The following ARHGAP6 variants were observed in gnomAD, a reference collection of about 807,000 sequenced individuals.
ARHGAP6 encodes Rho GTPase activating protein 6, also known as rho GTPase-activating protein 6.
A neutral mutation model predicts 55.7 loss-of-function variants in ARHGAP6; 16 were observed. The observed-to-expected ratio is 0.29, with a 90% confidence interval of 0.19 to 0.44. The LOEUF (loss-of-function observed/expected upper bound fraction) is 0.44. Ranked by LOEUF, ARHGAP6 falls within the 20% of genes least tolerant of loss-of-function variation. ARHGAP6 has a pLI of 1.00. For missense variants in ARHGAP6, 698 were observed against 808.9 expected, an observed-to-expected ratio of 0.86 and a Z score of 1.66; for synonymous variants, 382 against 360.9, an observed-to-expected ratio of 1.06 and a Z score of -0.66.
chrX:11,441,489 T>C (rs773975883), intron 1 of ARHGAP6, among the ~76,000 whole-genome samples: 1 of 111,537 alleles, frequency 9.0e-6, no homozygotes, highest in Non-Finnish European at 1.9e-5. Context: ...GAAGCCCAAC[T>C]AGCAGCCAAC....
intron 1 of ARHGAP6, among the ~76,000 whole-genome samples, chrX:11,315,200 T>C (rs975448878): frequency 5.4e-4 from 61 of 112,282 alleles, no homozygotes; most frequent in Non-Finnish European, 9.6e-4. Context: ...CCCCAGCCAT[T>C]TTTGGCACCA....
rs193064158 is a variant in ARHGAP6, at chrX:11,218,443, C to T, written c.749-21447G>A. Among the ~76,000 whole-genome samples the T allele has an allele frequency of 1.6e-4, 18 of 111,404 alleles. No homozygotes were observed. In the East Asian group the frequency reaches 2.5e-3, roughly 16 times the overall value. On this transcript the variant is annotated intron_variant, in intron 2 of 12. Coordinates refer to ENST00000337414, the MANE Select transcript of ARHGAP6 (RefSeq NM_013427.3). ...ATTTTCTTTTTTTCTTGTGTCTCTG[C>T]CAGGTTTTGGTATCAGGATGATGCT...
At chrX:11,507,276 C>T (rs972665213) in intron 1 of ARHGAP6, among the ~76,000 whole-genome samples, 1 of 110,838 alleles carries the variant, frequency 9.0e-6, no homozygotes, top group African/African-American at 3.3e-5. Flanking sequence ...GACTCCTTTC[C>T]CTACACTCTC....
In ARHGAP6 at chrX:11,296,894, A is replaced by T. The variant is rs1275669963; in HGVS notation, c.589-42187T>A. ...CAATGCCCTGGGCTCTGTAAAGAAT[A>T]GTGTGTTGATTCTTTATCCCAGATG... On this transcript the variant is annotated intron_variant, in intron 1 of 12. Transcript: ENST00000337414. 51 of 1,115,716 alleles carry T rather than the reference A, an allele frequency of 4.6e-5. 1 individual carries two copies. The South Asian group carries it at 9.0e-4, about 20-fold the overall frequency. The allele number at this position is 1,115,716 out of a possible 1,213,427, so 91.9% of individuals were successfully genotyped here.
chrX:11,408,069 G>A (rs1018910380), intron 1 of ARHGAP6, among the ~76,000 whole-genome samples: 4 of 110,590 alleles, frequency 3.6e-5, no homozygotes, highest in African/African-American at 6.6e-5. Flanking sequence ...TAAAGACAAC[G>A]TATGACTTCA....
intron 1 of ARHGAP6, among the ~76,000 whole-genome samples, chrX:11,399,867 G>A (rs781741271): frequency 1.8e-4 from 20 of 111,990 alleles, no homozygotes; most frequent in East Asian, 2.8e-4. Context: ...AAAATGTGGC[G>A]TACCCATACA....
intron 1 of ARHGAP6, among the ~76,000 whole-genome samples, chrX:11,490,038 C>A (rs1224058786): frequency 9.0e-6 from 1 of 111,345 alleles, no homozygotes; most frequent in African/African-American, 3.3e-5. Context: ...GTGAGTTAAA[C>A]CAGAAATACG....
chrX:11,433,040 A>T (rs2049955299), intron 1 of ARHGAP6, among the ~76,000 whole-genome samples: 1 of 112,583 alleles, frequency 8.9e-6, no homozygotes, highest in South Asian at 3.6e-4. Context: ...GAAGGTTCTC[A>T]TTCCTTTTTC....
At chrX:11,578,308 C>T (rs1346055517) in intron 1 of ARHGAP6, among the ~76,000 whole-genome samples, 1 of 111,673 alleles carries the variant, frequency 9.0e-6, no homozygotes. Context: ...ATCACTTCCA[C>T]TCTGCACAGG....
intron 4 of ARHGAP6, among the ~76,000 whole-genome samples, chrX:11,187,997 A>C (rs184765722): frequency 1.3e-4 from 14 of 111,489 alleles, no homozygotes; most frequent in Non-Finnish European, 2.3e-4. Context: ...ATGCCACTGC[A>C]CTCCAGCCTG....
intron 2 of ARHGAP6, chrX:11,223,220 C>T (rs1054452085): frequency 4.5e-5 from 7 of 155,486 alleles, no homozygotes; most frequent in East Asian, 2.6e-4. Flanking sequence ...AAGCTTGCAA[C>T]GAAACAAACA....
intron 1 of ARHGAP6, among the ~76,000 whole-genome samples, chrX:11,603,763 C>A (rs748053184): frequency 8.9e-6 from 1 of 111,802 alleles, no homozygotes; most frequent in Non-Finnish European, 1.9e-5. Context: ...ACATAAAGAA[C>A]AAAATTTCTT....
intron 8 of ARHGAP6, 48 bp downstream of exon 8, chrX:11,178,052 T>A: frequency 8.3e-7 from 1 of 1,204,321 alleles, no homozygotes; most frequent in Non-Finnish European, 1.1e-6. Context: ...CCTTTTAAAA[T>A]AGGGGAGAGG....
chrX:11,572,948 C>A (rs750138913), intron 1 of ARHGAP6, among the ~76,000 whole-genome samples: 93 of 112,127 alleles, frequency 8.3e-4, no homozygotes, highest in South Asian at 7.4e-3. Context: ...AGTGATGATA[C>A]GCATTTTTTC....
chrX:11,648,019 A>G (rs2052547520), intron 1 of ARHGAP6, among the ~76,000 whole-genome samples: 1 of 112,436 alleles, frequency 8.9e-6, no homozygotes, highest in Non-Finnish European at 1.9e-5. Context: ...TAAAAATCCA[A>G]GTAAGTTCTA....
intron 1 of ARHGAP6, among the ~76,000 whole-genome samples, chrX:11,596,799 C>T (rs1487806376): frequency 9.0e-6 from 1 of 111,527 alleles, no homozygotes; most frequent in Non-Finnish European, 1.9e-5. Context: ...AGCACATTGT[C>T]TTTGATCATA....
chrX:11,505,804 A>T (rs1262188320), intron 1 of ARHGAP6, among the ~76,000 whole-genome samples: 1 of 111,576 alleles, frequency 9.0e-6, no homozygotes, highest in Non-Finnish European at 1.9e-5. Flanking sequence ...AGTAACAGAA[A>T]ACCAAATACC....
In ARHGAP6 at chrX:11,432,457, T is replaced by C. The variant is rs752969999; in HGVS notation, c.589-177750A>G. 5.3e-5 allele frequency among the ~76,000 whole-genome samples: 6 copies of C among 112,239 alleles called. No individual in the cohort carries two copies. In the Admixed American group the frequency reaches 5.6e-4, roughly 11 times the overall value. On this transcript the variant is annotated intron_variant, in intron 1 of 12. Coordinates refer to ENST00000337414, the MANE Select transcript of ARHGAP6 (RefSeq NM_013427.3). Reference sequence around the variant, plus strand: ...CATATGTGCATGCATTTTTATAGGGTCCAAACCCAGGAATATAATTGCTGG... The same window carrying C: ...CATATGTGCATGCATTTTTATAGGGCCCAAACCCAGGAATATAATTGCTGG...
At chrX:11,247,239 T>G (rs758838857) in intron 2 of ARHGAP6, among the ~76,000 whole-genome samples, 14 of 112,200 alleles carry the variant, frequency 1.2e-4, no homozygotes, top group Admixed American at 3.8e-4. Flanking sequence ...TCCATGATAC[T>G]GTTTTCAAAA....
Sources: allele counts gnomAD v4.1 joint callset (sites outside exome capture counted in the v4.1 genomes callset), GRCh38; gene constraint gnomAD v4.1.1; transcripts MANE v1.5; gene names NCBI Gene and HGNC (gene_info 2026-07-23, HGNC 2026-07-21).